MROH9: variants seen among roughly 807,000 people sequenced by gnomAD.
The protein encoded by MROH9 is maestro heat like repeat family member 9.
In MROH9, 92 loss-of-function variants were observed where a neutral mutation model predicts 98.2. That is an observed-to-expected ratio of 0.94 (90% confidence interval 0.79 to 1.11). The LOEUF is 1.11. Ranked by LOEUF, MROH9 falls within the 50% of genes most tolerant of loss-of-function variation. The probability of loss-of-function intolerance (pLI) is 0.00; values close to 1 mark genes in which losing one functional copy is unlikely to be tolerated. For synonymous variants in MROH9, 397 were observed against 368.9 expected (o/e 1.08, Z -0.87); for missense variants, 1,057 against 1,014.8 (o/e 1.04, Z -0.57).
At chr1:170,962,853 A>G (rs897832481) in intron 6 of MROH9, among the ~76,000 whole-genome samples, 1 of 152,098 alleles carries the variant, frequency 6.6e-6, no homozygotes, top group Admixed American at 6.6e-5. Flanking sequence ...ACTTAAATGT[A>G]AACCCCAAAA....
intron 20 of MROH9, among the ~76,000 whole-genome samples, chr1:171,035,853 T>A (rs1257839490): frequency 6.6e-6 from 1 of 152,160 alleles, no homozygotes; most frequent in African/African-American, 2.4e-5. Flanking sequence ...GGAAAGCTGT[T>A]TAGCTATATC....
At chr1:171,007,149 AATGC>A (rs1651979461) in intron 15 of MROH9, among the ~76,000 whole-genome samples, 1 of 152,200 alleles carries the variant, frequency 6.6e-6, no homozygotes, top group Admixed American at 6.5e-5. Context: ...CACCTGGGCT[AATGC>A]CTCCAGAATT....
At chr1:171,062,872 C>A (rs1654053604) in intron 21 of MROH9, among the ~76,000 whole-genome samples, 1 of 152,050 alleles carries the variant, frequency 6.6e-6, no homozygotes, top group Non-Finnish European at 1.5e-5. Context: ...TCCCAAGTAC[C>A]TTCTCTCCTC....
intron 1 of MROH9, among the ~76,000 whole-genome samples, chr1:170,941,712 G>T (rs1649127261): frequency 6.6e-6 from 1 of 152,050 alleles, no homozygotes; most frequent in Non-Finnish European, 1.5e-5. Context: ...ACCATAGTAG[G>T]GTCTGATTTA....
intron 6 of MROH9, among the ~76,000 whole-genome samples, chr1:170,964,568 G>A (rs1034858040): frequency 6.6e-6 from 1 of 152,018 alleles, no homozygotes; most frequent in African/African-American, 2.4e-5. Context: ...TTGTAAATGT[G>A]TCCTTGCCTC....
At chr1:171,062,900 C>T (rs1571179154) in intron 21 of MROH9, among the ~76,000 whole-genome samples, 7 of 152,146 alleles carry the variant, frequency 4.6e-5, no homozygotes, top group Middle Eastern at 3.4e-3. Context: ...CATAGCCTCC[C>T]CCATTATCGA....
intron 20 of MROH9, among the ~76,000 whole-genome samples, chr1:171,028,643 T>C (rs1012590938): frequency 2.0e-5 from 3 of 152,248 alleles, no homozygotes; most frequent in African/African-American, 7.2e-5. Flanking sequence ...ACAATATTGA[T>C]TCTTCCTATC....
chr1:170,955,864 G>T (rs563682064), intron 3 of MROH9, among the ~76,000 whole-genome samples: 3 of 152,218 alleles, frequency 2.0e-5, no homozygotes, highest in Non-Finnish European at 2.9e-5. Context: ...ATTTGCTTTT[G>T]GGTTCTTGGT....
At position 170,971,829 on chromosome 1, in the gene MROH9, A is replaced by C; in HGVS notation, c.562A>C (p.Lys188Gln). 1 of 1,614,078 alleles carries C rather than the reference A, an allele frequency of 6.2e-7. No homozygotes were observed. Among genetic ancestry groups the C allele is most frequent in the Non-Finnish European group, 8.5e-7 (1 of 1,179,970 alleles). ...LCSHEDPSIV[K>Q]QASLGMCHLL... ...TTCCCATGAAGATCCCTCGATTGTA[A>C]AACAAGCATCATTGGGAATGTGTCA... The change falls in exon 8 of 22, where the codon AAA (lysine) becomes CAA (glutamine). Residue 188 changes from lysine to glutamine, a missense_variant. Physicochemically the swap from Lys to Gln is moderately conservative, Grantham distance 53. Transcript: ENST00000367759.
intron 13 of MROH9, among the ~76,000 whole-genome samples, chr1:170,995,852 A>T (rs1294128304): frequency 6.6e-6 from 1 of 152,208 alleles, no homozygotes; most frequent in Non-Finnish European, 1.5e-5. Context: ...ATCCAAAGTC[A>T]GATACATTTT....
chr1:171,004,908 T>C (rs1010946969), intron 15 of MROH9, among the ~76,000 whole-genome samples: 6 of 152,162 alleles, frequency 3.9e-5, no homozygotes. Context: ...TCAGGAAGTG[T>C]AATATCCCAA....
chr1:171,039,431 TA>T, intron 20 of MROH9, among the ~76,000 whole-genome samples: 1 of 152,306 alleles, frequency 6.6e-6, no homozygotes, highest in African/African-American at 2.4e-5. Context: ...TAGTTTCCCA[TA>T]TCAGCTCCAA....
chr1:170,988,706 T>TA (rs1651241414), intron 10 of MROH9, among the ~76,000 whole-genome samples: 2 of 152,160 alleles, frequency 1.3e-5, no homozygotes, highest in Admixed American at 1.3e-4. Flanking sequence ...AAAACATCCC[T>TA]AAAAATCCCC....
chr1:171,060,023 T>TA lies in MROH9; in HGVS notation c.2282-2099dup, dbSNP rs1255750023. On this transcript the variant is annotated intron_variant, in intron 20 of 21. Transcript: ENST00000367759. ...AAGAAAATAAATTTCTCTCTACGAT[T>TA]AAAAAAAAAAGACTACCTATTGGGT... 3.2e-3 allele frequency among the ~76,000 whole-genome samples: 479 copies of TA among 148,200 alleles called. 5 individuals carry two copies. Among genetic ancestry groups the TA allele is most frequent in the African/African-American group, 0.01 (422 of 40,616 alleles).
intron 20 of MROH9, among the ~76,000 whole-genome samples, chr1:171,037,525 A>C (rs1453035163): frequency 6.6e-6 from 1 of 152,044 alleles, no homozygotes; most frequent in Non-Finnish European, 1.5e-5. Flanking sequence ...TAAAAGTGTC[A>C]ATTTTTTTTT....
intron 7 of MROH9, among the ~76,000 whole-genome samples, chr1:170,970,623 C>G (rs1378572842): frequency 6.6e-6 from 1 of 152,010 alleles, no homozygotes; most frequent in East Asian, 1.9e-4. Flanking sequence ...ATCATCACTC[C>G]CCACATCACA....
At chr1:170,970,702 C>CTGTGTGTGTGTGTGTGTGTGTGTGTGTG (rs3980698) in intron 7 of MROH9, among the ~76,000 whole-genome samples, 45 of 118,506 alleles carry the variant, frequency 3.8e-4, no homozygotes, top group Admixed American at 6.1e-4. Context: ...TTAGGAATTT[C>CTGTGTGTGTGTGTGTGTGTGTGTGTGTG]TGTGTGTGTG....
Position 170,947,559 on chromosome 1 carries a change from A to C in MROH9, c.58A>C (p.Lys20Gln). Residue 20 changes from lysine to glutamine, a missense_variant, in exon 3 of 22, where the codon AAA becomes CAA. Physicochemically the swap from Lys to Gln is moderately conservative, Grantham distance 53 (BLOSUM62 1). Transcript: ENST00000367759. ...SSLQILQDSVKWHHMAHKVNS... is the reference protein window; with the variant it reads ...SSLQILQDSVQWHHMAHKVNS... ...TCTCCAGATTCTGCAAGACAGTGTG[A>C]AATGGCACCACATGGTAAGTGATAT... 1 of 1,610,712 alleles carries C rather than the reference A, an allele frequency of 6.2e-7. No individual in the cohort carries two copies. The highest frequency in any genetic ancestry group is 8.5e-7 in the Non-Finnish European group (1 of 1,177,584).
At chr1:170,986,486 C>T in intron 9 of MROH9, 75 bp from the exon 10 acceptor site, 1 of 1,501,362 alleles carries the variant, frequency 6.7e-7, no homozygotes, top group Non-Finnish European at 9.0e-7. Flanking sequence ...GAGCATCCCC[C>T]ACCATGTCTG....
Sources: allele counts gnomAD v4.1 joint callset (sites outside exome capture counted in the v4.1 genomes callset), GRCh38; gene constraint gnomAD v4.1.1; transcripts MANE v1.5; gene names NCBI Gene and HGNC (gene_info 2026-07-23, HGNC 2026-07-21).